Variants in KDM4C observed in about 807,000 individuals in gnomAD.
KDM4C encodes lysine-specific demethylase 4C.
KDM4C carries 81 observed loss-of-function variants against 129.3 expected under a neutral mutation model. The ratio of observed to expected loss-of-function variants is 0.63; its 90% CI spans 0.52 to 0.75. The LOEUF is 0.75. Among genes scored for constraint, KDM4C ranks in the 30% least tolerant of loss-of-function variants. KDM4C has a pLI of 0.00. For synonymous variants in KDM4C, 573 were observed against 456.1 expected (o/e 1.26, Z -3.26); for missense variants, 1,457 against 1,304.0 (o/e 1.12, Z -1.81).
upstream of KDM4C, among the ~76,000 whole-genome samples, chr9:6,754,349 A>T (rs1403742906): frequency 6.6e-6 from 1 of 151,602 alleles, no homozygotes; most frequent in Non-Finnish European, 1.5e-5. Context: ...AGTAGCTGGG[A>T]TTACAGGCAC....
rs116852842 is a variant in KDM4C, at chr9:6,883,413, G to A, written c.679+3352G>A. ...AGGCATGGAGATCAATGTGTGGTGC[G>A]TCAGGGTATGTTTATTTTCGTCTAT... On this transcript the variant is annotated intron_variant, in intron 6 of 21. Transcript: ENST00000381309. 8.1e-4 allele frequency among the ~76,000 whole-genome samples: 124 copies of A among 152,278 alleles called. No homozygotes were observed. The Middle Eastern group carries it at 0.014, about 17-fold the overall frequency.
intron 1 of KDM4C, among the ~76,000 whole-genome samples, chr9:6,743,466 G>A (rs1817770608): frequency 6.6e-6 from 1 of 151,756 alleles, no homozygotes; most frequent in South Asian, 2.1e-4. Flanking sequence ...CTGTTATTAA[G>A]TAAGGAGAAG....
chr9:7,039,831 C>G (rs1354053200), intron 15 of KDM4C, among the ~76,000 whole-genome samples: 2 of 152,036 alleles, frequency 1.3e-5, no homozygotes, highest in Non-Finnish European at 2.9e-5. Context: ...GCCCAGCTGA[C>G]TCAGGGGTGG....
At chr9:6,774,172 G>C (rs2130667170) in intron 1 of KDM4C, among the ~76,000 whole-genome samples, 1 of 152,162 alleles carries the variant, frequency 6.6e-6, no homozygotes, top group African/African-American at 2.4e-5. Flanking sequence ...ACAGGTGTGA[G>C]CCACCGTGCC....
Position 7,175,016 on chromosome 9 carries a change from C to T in KDM4C, c.*287C>T, listed in dbSNP as rs1264061115. The T allele has an allele frequency of 3.7e-6, 1 of 267,456 alleles. No individual in the cohort carries two copies. The highest frequency in any genetic ancestry group is 6.4e-5 in the East Asian group (1 of 15,540). 16.6% of individuals were successfully genotyped at this position (267,456 alleles called of 1,614,324 possible). ...TGAAAGGAAATACTAGTGAATCACC[C>T]ACAAGGAAAAGCCACTGCCACAGAG... On this transcript the variant is annotated 3_prime_UTR_variant, in exon 22 of 22. Transcript: ENST00000381309.
chr9:6,906,809 A>G (rs1331629060), intron 8 of KDM4C, among the ~76,000 whole-genome samples: 3 of 152,172 alleles, frequency 2.0e-5, no homozygotes, highest in East Asian at 1.9e-4. Context: ...TTTTGTAGTT[A>G]TTTGTGCACA....
At chr9:6,807,581 C>T (rs922844061) in intron 3 of KDM4C, among the ~76,000 whole-genome samples, 1 of 150,508 alleles carries the variant, frequency 6.6e-6, no homozygotes, top group African/African-American at 2.4e-5. Flanking sequence ...GAGACCCCGT[C>T]TGGGAGGTGA....
At chr9:7,091,071 A>T (rs1182377929) in intron 17 of KDM4C, among the ~76,000 whole-genome samples, 1 of 151,946 alleles carries the variant, frequency 6.6e-6, no homozygotes, top group Non-Finnish European at 1.5e-5. Context: ...CCCCCCCAAA[A>T]CCTCCATTGC....
chr9:6,878,327 ATATT>A (rs576581655), intron 5 of KDM4C, among the ~76,000 whole-genome samples: 1 of 152,356 alleles, frequency 6.6e-6, no homozygotes, highest in Non-Finnish European at 1.5e-5. Context: ...AATGAACTTG[ATATT>A]TATAGAATTT....
intron 15 of KDM4C, 24 bp downstream of exon 15, chr9:7,015,953 C>T (rs763105512): frequency 1.3e-6 from 2 of 1,534,188 alleles, no homozygotes; most frequent in Non-Finnish European, 1.8e-6. Flanking sequence ...TTTAGTATTG[C>T]TTAACCTTTC....
intron 18 of KDM4C, among the ~76,000 whole-genome samples, chr9:7,113,900 G>A (rs939821185): frequency 1.2e-4 from 18 of 152,068 alleles, no homozygotes; most frequent in African/African-American, 4.1e-4. Context: ...TTGACTCCAG[G>A]CAGTCCTGCA....
At chr9:6,908,167 AT>A (rs1818663486) in intron 8 of KDM4C, among the ~76,000 whole-genome samples, 1 of 152,204 alleles carries the variant, frequency 6.6e-6, no homozygotes, top group African/African-American at 2.4e-5. Context: ...TATTGTTTAT[AT>A]TCCCTTTACA....
Position 7,024,984 on chromosome 9 carries a change from C to T in KDM4C, c.2259+9055C>T, listed in dbSNP as rs1408513802. Among the ~76,000 whole-genome samples the T allele has an allele frequency of 2.6e-5, 4 of 152,322 alleles. No homozygotes were observed. The East Asian group carries it at 5.8e-4, about 22-fold the overall frequency. On this transcript the variant is annotated intron_variant, in intron 15 of 21. Transcript: ENST00000381309. ...AAGTGTTCCTATTTCTCCACATCCT[C>T]TCCAGCACCTGTTGTTTCGTGACTT...
At chr9:6,987,537 A>G (rs555066421) in intron 11 of KDM4C, among the ~76,000 whole-genome samples, 36 of 152,222 alleles carry the variant, frequency 2.4e-4, no homozygotes, top group African/African-American at 7.9e-4. Flanking sequence ...TAATTGTTTG[A>G]GCTGATAGGT....
chr9:6,900,442 C>T (rs1457795446), intron 8 of KDM4C, among the ~76,000 whole-genome samples: 1 of 152,230 alleles, frequency 6.6e-6, no homozygotes, highest in African/African-American at 2.4e-5. Context: ...TGGCTTTGGA[C>T]TCTATCTCAC....
intron 8 of KDM4C, among the ~76,000 whole-genome samples, chr9:6,966,672 A>G (rs1361093079): frequency 1.3e-5 from 2 of 152,234 alleles, no homozygotes; most frequent in East Asian, 1.9e-4. Context: ...CATCAGATCC[A>G]TATTTATATA....
chr9:6,792,704 C>G (rs1389104952), intron 1 of KDM4C, among the ~76,000 whole-genome samples: 1 of 152,042 alleles, frequency 6.6e-6, no homozygotes, highest in Non-Finnish European at 1.5e-5. Context: ...TTTATTTTTA[C>G]TTGGAAGGGT....
chr9:6,735,965 C>G (rs929663498), intron 1 of KDM4C, among the ~76,000 whole-genome samples: 9 of 152,140 alleles, frequency 5.9e-5, no homozygotes, highest in African/African-American at 1.9e-4. Flanking sequence ...AAAGTCCAGG[C>G]TGAGGTGGTC....
intron 1 of KDM4C, among the ~76,000 whole-genome samples, chr9:6,744,218 G>C (rs1817801637): frequency 6.6e-6 from 1 of 152,082 alleles, no homozygotes; most frequent in African/African-American, 2.4e-5. Flanking sequence ...ATTCACATGT[G>C]ATCTCCTTAA....
Sources: allele counts gnomAD v4.1 joint callset (sites outside exome capture counted in the v4.1 genomes callset), GRCh38; gene constraint gnomAD v4.1.1; transcripts MANE v1.5; gene names NCBI Gene and HGNC (gene_info 2026-07-23, HGNC 2026-07-21).